Variants in COL5A2 observed in about 807,000 individuals in gnomAD.
COL5A2 encodes collagen alpha-2(V) chain.
Under a neutral mutation model 208.2 loss-of-function variants are expected in COL5A2, and 23 were observed. The ratio of observed to expected loss-of-function variants is 0.11; its 90% CI spans 0.08 to 0.16. The LOEUF is 0.16. Among genes scored for constraint, COL5A2 ranks in the 10% least tolerant of loss-of-function variants. COL5A2 has a pLI of 1.00. For missense variants in COL5A2, 1,590 were observed against 1,956.4 expected, an observed-to-expected ratio of 0.81 and a Z score of 3.53; for synonymous variants, 625 against 628.5, an observed-to-expected ratio of 0.99 and a Z score of 0.08.
At chr2:189,427,527 C>A in the COL5A2 span, among the ~76,000 whole-genome samples, 27 of 152,268 alleles carry the variant, frequency 1.8e-4, no homozygotes, top group African/African-American at 6.3e-4. Context: ...AGAGGACCAC[C>A]ATCCTTCAGA....
the COL5A2 span, among the ~76,000 whole-genome samples, chr2:189,262,089 G>A: frequency 1.3e-5 from 2 of 152,000 alleles, no homozygotes; most frequent in East Asian, 3.8e-4. Context: ...AAATTCAAAA[G>A]AAAATTTCAA....
chr2:189,332,895 C>A, the COL5A2 span, among the ~76,000 whole-genome samples: 2 of 152,052 alleles, frequency 1.3e-5, no homozygotes, highest in Non-Finnish European at 2.9e-5. Flanking sequence ...TTGGAGACAA[C>A]ATTATTAAAT....
At chr2:189,084,957 C>T (rs372318003) in intron 11 of COL5A2, among the ~76,000 whole-genome samples, 2 of 152,078 alleles carry the variant, frequency 1.3e-5, no homozygotes, top group South Asian at 2.1e-4. Flanking sequence ...GACAGTAGTA[C>T]CTAATAACAT....
chr2:189,068,413 C>A (rs1243828685), intron 19 of COL5A2, 143 bp from the exon 20 acceptor site: 2 of 730,678 alleles, frequency 2.7e-6, no homozygotes, highest in African/African-American at 1.8e-5. Context: ...ATAAAAATTA[C>A]TTTTTTGACT....
the COL5A2 span, among the ~76,000 whole-genome samples, chr2:189,245,548 G>A: frequency 9.5e-5 from 14 of 147,216 alleles, no homozygotes; most frequent in South Asian, 6.4e-4. Flanking sequence ...GCAGTGGCGC[G>A]ATCTCGGCTC....
At chr2:189,134,493 G>A (rs764932628) in intron 1 of COL5A2, among the ~76,000 whole-genome samples, 2 of 152,186 alleles carry the variant, frequency 1.3e-5, no homozygotes, top group Non-Finnish European at 2.9e-5. Context: ...GGAGGCTGAG[G>A]TAGGAGAATC....
chr2:189,433,673 A>T, the COL5A2 span, among the ~76,000 whole-genome samples: 4 of 152,320 alleles, frequency 2.6e-5, no homozygotes, highest in African/African-American at 7.2e-5. Context: ...CAGGCTCTGA[A>T]ATTGAGGCAA....
the COL5A2 span, among the ~76,000 whole-genome samples, chr2:189,264,826 G>C: frequency 3.3e-5 from 5 of 152,178 alleles, no homozygotes; most frequent in Non-Finnish European, 7.3e-5. Context: ...AACCTATTCA[G>C]AGTACTGAGG....
intron 51 of COL5A2, among the ~76,000 whole-genome samples, chr2:189,038,870 T>C (rs531717863): frequency 6.6e-6 from 1 of 152,224 alleles, no homozygotes; most frequent in East Asian, 1.9e-4. Flanking sequence ...TCTGTATTTT[T>C]AGTAGAGACG....
chr2:189,179,393 C>T (rs909278493), intron 1 of COL5A2, 115 bp downstream of exon 1: 1 of 1,185,550 alleles, frequency 8.4e-7, no homozygotes, highest in African/African-American at 1.5e-5. Context: ...CCGTCAGCCC[C>T]CTTCTCAAAC....
At chr2:189,058,677 TGAAGTAAGG>T in intron 32 of COL5A2, 150 bp from the exon 33 acceptor site, 1 of 940,258 alleles carries the variant, frequency 1.1e-6, no homozygotes, top group Non-Finnish European at 1.7e-6. Flanking sequence ...GAAATAAATT[TGAAGTAAGG>T]ATATGCTAGT....
intron 33 of COL5A2, among the ~76,000 whole-genome samples, chr2:189,058,219 C>A (rs923267727): frequency 2.0e-5 from 3 of 152,182 alleles, no homozygotes; most frequent in Non-Finnish European, 4.4e-5. Context: ...AAACTACAAT[C>A]CCCATCAAAG....
At chr2:189,171,338 T>G (rs564878996) in intron 1 of COL5A2, among the ~76,000 whole-genome samples, 24 of 152,090 alleles carry the variant, frequency 1.6e-4, no homozygotes, top group Non-Finnish European at 3.1e-4. Context: ...TAGTTTTATA[T>G]CACACTAGCA....
intron 1 of COL5A2, among the ~76,000 whole-genome samples, chr2:189,118,188 T>C (rs1687433331): frequency 1.3e-5 from 2 of 152,118 alleles, no homozygotes; most frequent in South Asian, 4.1e-4. Flanking sequence ...TAAAATACCA[T>C]GAATTATAGG....
the COL5A2 span, among the ~76,000 whole-genome samples, chr2:189,284,080 C>T: frequency 2.0e-5 from 3 of 152,048 alleles, no homozygotes; most frequent in Non-Finnish European, 2.9e-5. Context: ...TATTTATATG[C>T]TCATATCATA....
the COL5A2 span, among the ~76,000 whole-genome samples, chr2:189,402,575 T>C: frequency 6.6e-6 from 1 of 152,184 alleles, no homozygotes; most frequent in Non-Finnish European, 1.5e-5. Context: ...CTTTTGTATA[T>C]GGTATAAGGA....
At position 189,039,583 on chromosome 2, in the gene COL5A2, A is replaced by G. The variant is rs1044223607; in HGVS notation, c.3634-20T>C. 6.2e-7 allele frequency: 1 copy of G among 1,610,390 alleles called. No homozygotes were observed. The highest frequency in any genetic ancestry group is 8.5e-7 in the Non-Finnish European group (1 of 1,179,234). ...AGGGCCCTAATTAAAAAGAGATTGG[A>G]AAGACATTTAACACATTGTTTTTGT... On this transcript the variant is annotated intron_variant, in intron 50 of 53. Transcript: ENST00000374866.
intron 1 of COL5A2, among the ~76,000 whole-genome samples, chr2:189,199,296 A>C (rs1253941992): frequency 6.6e-6 from 1 of 152,220 alleles, no homozygotes; most frequent in Admixed American, 6.5e-5. Flanking sequence ...ATATAAAAGC[A>C]CATGACTATT....
the COL5A2 span, among the ~76,000 whole-genome samples, chr2:189,359,653 T>C: frequency 6.6e-6 from 1 of 152,202 alleles, no homozygotes; most frequent in Non-Finnish European, 1.5e-5. Flanking sequence ...TGTTGGCTCT[T>C]ATTTAAATCT....
Sources: gnomAD v4.1 joint callset for allele counts (sites outside exome capture counted in the v4.1 genomes callset) on GRCh38, gnomAD v4.1.1 for gene constraint, MANE v1.5 for transcripts, NCBI Gene and HGNC (gene_info 2026-07-23, HGNC 2026-07-21) for gene names.